Variants in CTNNA2 observed in about 807,000 individuals in gnomAD.
CTNNA2 encodes the protein catenin alpha 2, also known as catenin alpha-2.
In CTNNA2, 42 loss-of-function variants were observed where a neutral mutation model predicts 101.0. That is an observed-to-expected ratio of 0.42 (90% CI 0.32 to 0.54). The LOEUF (loss-of-function observed/expected upper bound fraction) is 0.54, where lower values mean the gene tolerates loss of function less well. Ranked by LOEUF, CTNNA2 falls within the 20% of genes least tolerant of loss-of-function variation. The pLI, the probability that CTNNA2 is intolerant of heterozygous loss-of-function variation, is 0.14. For synonymous variants in CTNNA2, 450 were observed against 456.4 expected, an observed-to-expected ratio of 0.99 and a Z score of 0.18; for missense variants, 871 against 1,223.1, an observed-to-expected ratio of 0.71 and a Z score of 4.29.
At chr2:79,261,563 T>C (rs1422611735) in intron 2 of CTNNA2, among the ~76,000 whole-genome samples, 1 of 152,204 alleles carries the variant, frequency 6.6e-6, no homozygotes, top group Non-Finnish European at 1.5e-5. Flanking sequence ...GAGACCTCCT[T>C]CCTCACCTTG....
intron 7 of CTNNA2, among the ~76,000 whole-genome samples, chr2:80,016,366 G>T (rs576455884): frequency 6.6e-6 from 1 of 152,260 alleles, no homozygotes; most frequent in African/African-American, 2.4e-5. Context: ...AGGCTGCTCA[G>T]AAGGAAGGAG....
intron 18 of CTNNA2, among the ~76,000 whole-genome samples, chr2:80,645,630 T>G (rs1184072710): frequency 6.6e-6 from 1 of 151,996 alleles, no homozygotes. Flanking sequence ...GATTCCCGGG[T>G]GATGCTGATG....
At chr2:80,124,989 C>T (rs1007991463) in intron 7 of CTNNA2, among the ~76,000 whole-genome samples, 77 of 152,098 alleles carry the variant, frequency 5.1e-4, no homozygotes, top group Non-Finnish European at 8.5e-4. Context: ...ATTCAAGGGA[C>T]AATCGGTGCT....
intron 7 of CTNNA2, among the ~76,000 whole-genome samples, chr2:80,080,948 TAAAAA>T (rs79785271): frequency 3.4e-5 from 3 of 87,562 alleles, no homozygotes; most frequent in African/African-American, 9.5e-5. Flanking sequence ...TTCTCCCACT[TAAAAA>T]AAAAAAAAAA....
intron 4 of CTNNA2, among the ~76,000 whole-genome samples, chr2:79,862,360 AC>A (rs1681690096): frequency 6.6e-6 from 1 of 152,138 alleles, no homozygotes; most frequent in Non-Finnish European, 1.5e-5. Context: ...GATGATCTTA[AC>A]ATTAACTGTG....
intron 3 of CTNNA2, among the ~76,000 whole-genome samples, chr2:79,347,148 C>A (rs1677281266): frequency 6.6e-6 from 1 of 152,014 alleles, no homozygotes; most frequent in African/African-American, 2.4e-5. Flanking sequence ...GAAGAAAGTT[C>A]CTTCAAGCAA....
chr2:80,245,962 T>G (rs1438153634), intron 7 of CTNNA2, among the ~76,000 whole-genome samples: 1 of 151,708 alleles, frequency 6.6e-6, no homozygotes, highest in Admixed American at 6.6e-5. Context: ...ACCCGGCTAA[T>G]TTTTTGTATT....
chr2:79,228,996 C>A (rs938249600), intron 2 of CTNNA2, among the ~76,000 whole-genome samples: 5 of 152,052 alleles, frequency 3.3e-5, no homozygotes, highest in African/African-American at 1.2e-4. Flanking sequence ...ATCTTAGCAC[C>A]ATTTATGGAA....
chr2:80,456,627 C>T (rs954757522), intron 9 of CTNNA2, among the ~76,000 whole-genome samples: 2 of 152,280 alleles, frequency 1.3e-5, no homozygotes, highest in African/African-American at 2.4e-5. Flanking sequence ...CTCAAGGCTT[C>T]GTGCAAGTTA....
intron 7 of CTNNA2, among the ~76,000 whole-genome samples, chr2:80,255,202 T>C (rs1215429520): frequency 6.6e-6 from 1 of 152,196 alleles, no homozygotes; most frequent in Non-Finnish European, 1.5e-5. Context: ...AGATACATCT[T>C]ACATCTGTGT....
chr2:79,417,066 C>A (rs543596623), intron 4 of CTNNA2, among the ~76,000 whole-genome samples: 4 of 152,154 alleles, frequency 2.6e-5, no homozygotes, highest in African/African-American at 9.6e-5. Context: ...AAAATGTATG[C>A]CATAAGTATA....
At chr2:80,599,729 T>G (rs1295439931) in intron 15 of CTNNA2, among the ~76,000 whole-genome samples, 1 of 152,310 alleles carries the variant, frequency 6.6e-6, no homozygotes, top group Middle Eastern at 3.4e-3. Context: ...TAATTTTCTT[T>G]ATTTTACACA....
chr2:80,152,863 G>A (rs1703790364), intron 7 of CTNNA2, among the ~76,000 whole-genome samples: 2 of 152,308 alleles, frequency 1.3e-5, no homozygotes, highest in Non-Finnish European at 2.9e-5. Context: ...GGACATGATT[G>A]TTAAGATTTG....
At chr2:80,194,612 C>A (rs950947872) in intron 7 of CTNNA2, among the ~76,000 whole-genome samples, 30 of 150,804 alleles carry the variant, frequency 2.0e-4, no homozygotes, top group African/African-American at 5.6e-4. Context: ...CAGACCCAGG[C>A]AAATATCTCT....
At chr2:79,743,538 T>TA (rs1216544119) in intron 2 of CTNNA2, among the ~76,000 whole-genome samples, 1 of 136,908 alleles carries the variant, frequency 7.3e-6, no homozygotes, top group African/African-American at 3.2e-5. Flanking sequence ...TTTTATTTAT[T>TA]TTTTTTTTTT....
At chr2:79,495,422 C>T (rs889025416) in intron 4 of CTNNA2, among the ~76,000 whole-genome samples, 14 of 152,010 alleles carry the variant, frequency 9.2e-5, no homozygotes, top group African/African-American at 3.4e-4. Flanking sequence ...AAAGGAGATA[C>T]CAAATCACAC....
intron 2 of CTNNA2, chr2:79,687,667 C>T: frequency 1.7e-6 from 1 of 595,892 alleles, no homozygotes; most frequent in Non-Finnish European, 3.0e-6. Context: ...TAACTCTTTT[C>T]ATGAAAATAA....
intron 8 of CTNNA2, among the ~76,000 whole-genome samples, chr2:80,403,577 T>C (rs1678778246): frequency 6.6e-6 from 1 of 152,216 alleles, no homozygotes. Flanking sequence ...AGGTCTACAG[T>C]AATTTCCTTA....
At chr2:79,861,399 C>T (rs1436314331) in intron 4 of CTNNA2, among the ~76,000 whole-genome samples, 1 of 152,160 alleles carries the variant, frequency 6.6e-6, no homozygotes, top group Non-Finnish European at 1.5e-5. Flanking sequence ...TTTTCATCAG[C>T]AGTTCGCCAG....
Sources: allele counts gnomAD v4.1 joint callset (sites outside exome capture counted in the v4.1 genomes callset), GRCh38; gene constraint gnomAD v4.1.1; transcripts MANE v1.5; gene names NCBI Gene and HGNC (gene_info 2026-07-23, HGNC 2026-07-21).